Variants in AHCYL2 observed in about 807,000 individuals in gnomAD.
AHCYL2 encodes the protein S-adenosylhomocysteine hydrolase-like protein 2.
A neutral mutation model predicts 81.4 loss-of-function variants in AHCYL2; 28 were observed. The ratio of observed to expected loss-of-function variants is 0.34; its 90% CI spans 0.25 to 0.47. AHCYL2 has a LOEUF of 0.47. Ranked by LOEUF, AHCYL2 falls within the 20% of genes least tolerant of loss-of-function variation. AHCYL2 has a pLI of 1.00. For missense variants in AHCYL2, 551 were observed against 785.1 expected (o/e 0.70, Z 3.56); for synonymous variants, 272 against 290.2 (o/e 0.94, Z 0.64).
Position 129,405,200 on chromosome 7 carries a change from T to A in AHCYL2, c.1129T>A (p.Ser377Thr), listed in dbSNP as rs778345406. The A allele has an allele frequency of 6.2e-7, 1 of 1,603,680 alleles. No homozygotes were observed. Among genetic ancestry groups the A allele is most frequent in the East Asian group, 2.3e-5 (1 of 43,912 alleles). Residue 377 changes from serine to threonine, a missense_variant, in exon 8 of 17, where the codon TCA (serine) becomes ACA (threonine). This residue lies in a region of AHCYL2 where 316 missense variants were observed against 543.1 expected (regional missense o/e 0.58). Coordinates refer to ENST00000325006, the MANE Select transcript of AHCYL2 (RefSeq NM_015328.4). ...TGACAACCTCTACTGTTGCCGTGAA[T>A]CAATTCTTGATGGGTAATGTTTATT... The part of the protein sequence containing the change: ...KFDNLYCCRE[S>T]ILDGLKRTTD...
At chr7:129,395,850 T>C (rs1426748091) in intron 4 of AHCYL2, among the ~76,000 whole-genome samples, 1 of 152,164 alleles carries the variant, frequency 6.6e-6, no homozygotes, top group Non-Finnish European at 1.5e-5. Context: ...TGACACACTT[T>C]CCCACACCCA....
chr7:129,323,921 A>G (rs1195852313), intron 1 of AHCYL2, among the ~76,000 whole-genome samples: 1 of 131,906 alleles, frequency 7.6e-6, no homozygotes, highest in African/African-American at 2.9e-5. Context: ...CCCAGGTTGG[A>G]GTGCAATGGC....
At chr7:129,355,429 CAG>C (rs1164106046) in intron 1 of AHCYL2, among the ~76,000 whole-genome samples, 8 of 152,094 alleles carry the variant, frequency 5.3e-5, no homozygotes, top group Non-Finnish European at 1.0e-4. Context: ...TGTCTTTAAA[CAG>C]AAATACATAT....
chr7:129,269,620 A>C (rs1795937355), intron 1 of AHCYL2, among the ~76,000 whole-genome samples: 1 of 151,500 alleles, frequency 6.6e-6, no homozygotes, highest in Non-Finnish European at 1.5e-5. Context: ...TTTTTAATAG[A>C]GATGGGGGTC....
At chr7:129,241,119 G>GA (rs1390224910) in intron 1 of AHCYL2, among the ~76,000 whole-genome samples, 2 of 152,194 alleles carry the variant, frequency 1.3e-5, no homozygotes, top group African/African-American at 4.8e-5. Flanking sequence ...ATCTTGTTAG[G>GA]AAAAAGAGTT....
At chr7:129,273,823 G>C (rs1482306390) in intron 1 of AHCYL2, among the ~76,000 whole-genome samples, 1 of 152,070 alleles carries the variant, frequency 6.6e-6, no homozygotes, top group Non-Finnish European at 1.5e-5. Context: ...TTGTCTGCTG[G>C]AGTGAATCCC....
chr7:129,340,075 C>A (rs117349634), intron 1 of AHCYL2, among the ~76,000 whole-genome samples: 3,679 of 150,790 alleles, frequency 0.024, 75 homozygotes, highest in Admixed American at 0.058. Context: ...CACTCCGCCA[C>A]GCTTGGCTTA....
rs73721717 is a variant in AHCYL2 at position 129,355,593 on chromosome 7, T to A, written c.364-24045T>A. 1.8e-3 allele frequency among the ~76,000 whole-genome samples: 269 copies of A among 152,272 alleles called. 1 individual carries two copies. The highest frequency in any genetic ancestry group is 6.2e-3 in the African/African-American group (257 of 41,538). On this transcript the variant is annotated intron_variant, in intron 1 of 16. Transcript: ENST00000325006. ...CTCAAATAATAAGAATCAATGTATTTTATATATTTATTTTGGAGGACCTTA... is the reference window on the plus strand; with the variant it reads ...CTCAAATAATAAGAATCAATGTATTATATATATTTATTTTGGAGGACCTTA...
rs1794222126 is a variant in AHCYL2 at position 129,368,664 on chromosome 7, G to A, written c.364-10974G>A. On this transcript the variant is annotated intron_variant, in intron 1 of 16. Coordinates refer to ENST00000325006, the MANE Select transcript of AHCYL2 (RefSeq NM_015328.4). The surrounding 1 kb of genome is among the most constrained non-coding windows in gnomAD (Gnocchi z 4.4). ...GAAGCTCCTACCAAGATCCGTGGTT[G>A]GAAAAACAGTTATTACTCTACGTTC... The A allele has an allele frequency of 7.7e-7, 1 of 1,294,028 alleles. No homozygotes were observed. Among genetic ancestry groups the A allele is most frequent in the African/African-American group, 1.5e-5 (1 of 68,320 alleles). 80.2% of individuals were successfully genotyped at this position (1,294,028 alleles called of 1,614,324 possible). A position where few individuals can be genotyped will look rare whatever the true frequency, so the allele number is the denominator to read the frequency against.
At chr7:129,423,442 T>C (rs1041269745) in intron 13 of AHCYL2, among the ~76,000 whole-genome samples, 8 of 152,212 alleles carry the variant, frequency 5.3e-5, no homozygotes, top group African/African-American at 1.9e-4. Context: ...TCAATTGATA[T>C]TTCCCCATCC....
chr7:129,380,531 G>C (rs1196901230), intron 2 of AHCYL2, among the ~76,000 whole-genome samples: 1 of 151,918 alleles, frequency 6.6e-6, no homozygotes, highest in African/African-American at 2.4e-5. Flanking sequence ...TTTGTTCTTC[G>C]TACAAATAGG....
chr7:129,419,293 C>T lies in AHCYL2; in HGVS notation c.1462-3547C>T, dbSNP rs540911109. Reference sequence around the variant, plus strand: ...ACCTGCAGCCAGGTGTGGTGGCTCACGCCTGTAATCCCAGCACTTTGGGAG... The same window carrying T: ...ACCTGCAGCCAGGTGTGGTGGCTCATGCCTGTAATCCCAGCACTTTGGGAG... On this transcript the variant is annotated intron_variant, in intron 12 of 16. Coordinates refer to ENST00000325006, the MANE Select transcript of AHCYL2 (RefSeq NM_015328.4). The surrounding 1 kb of genome is among the most constrained non-coding windows in gnomAD (Gnocchi z 4.7). Among the ~76,000 whole-genome samples the T allele has an allele frequency of 7.2e-5, 11 of 152,152 alleles. No homozygotes were observed. Among genetic ancestry groups the T allele is most frequent in the South Asian group, 2.1e-4 (1 of 4,808 alleles).
chr7:129,255,585 TGC>T (rs1795389508), intron 1 of AHCYL2, among the ~76,000 whole-genome samples: 1 of 152,252 alleles, frequency 6.6e-6, no homozygotes. Context: ...TGTGTGTATG[TGC>T]GTGTGTGCGT....
intron 10 of AHCYL2, among the ~76,000 whole-genome samples, chr7:129,407,815 C>T (rs1796377011): frequency 1.3e-5 from 2 of 152,204 alleles, no homozygotes. Flanking sequence ...TTAAACGGCA[C>T]ATGCTTCTGT....
At chr7:129,293,063 C>T (rs1013919322) in intron 1 of AHCYL2, among the ~76,000 whole-genome samples, 1 of 152,150 alleles carries the variant, frequency 6.6e-6, no homozygotes, top group Non-Finnish European at 1.5e-5. Context: ...ACTACTCCCA[C>T]CTCTGCCTCC....
chr7:129,318,413 T>TA (rs1449900772), intron 1 of AHCYL2, among the ~76,000 whole-genome samples: 2 of 152,184 alleles, frequency 1.3e-5, no homozygotes, highest in Non-Finnish European at 2.9e-5. Context: ...AAAATTTTGG[T>TA]AAAAAGCTTG....
chr7:129,287,497 T>C (rs536869642), intron 1 of AHCYL2, among the ~76,000 whole-genome samples: 49 of 152,296 alleles, frequency 3.2e-4, no homozygotes, highest in African/African-American at 1.1e-3. Flanking sequence ...CGGGAGTAAG[T>C]CTCAGTTTAA....
chr7:129,311,470 ATCTT>A (rs1797656132), intron 1 of AHCYL2, among the ~76,000 whole-genome samples: 1 of 152,300 alleles, frequency 6.6e-6, no homozygotes, highest in Non-Finnish European at 1.5e-5. Flanking sequence ...TCTAACTGCC[ATCTT>A]TATATGTTCT....
chr7:129,335,098 C>T (rs1345729421), intron 1 of AHCYL2, among the ~76,000 whole-genome samples: 1 of 152,094 alleles, frequency 6.6e-6, no homozygotes, highest in Non-Finnish European at 1.5e-5. Context: ...AGTAAAGCAG[C>T]AGGCCGGGCA....
Sources: allele counts gnomAD v4.1 joint callset (sites outside exome capture counted in the v4.1 genomes callset), GRCh38; gene constraint gnomAD v4.1.1; regional missense constraint gnomAD v4.1.1; non-coding constraint Gnocchi (gnomAD v3.1); transcripts MANE v1.5; gene names NCBI Gene and HGNC (gene_info 2026-07-23, HGNC 2026-07-21).